The following CSMD1 variants were observed in gnomAD, a reference collection of about 807,000 sequenced individuals.
CSMD1 encodes CUB and sushi domain-containing protein 1.
CSMD1 carries 213 observed loss-of-function variants against 417.5 expected under a neutral mutation model. That is an observed-to-expected ratio of 0.51 (90% CI 0.46 to 0.57). The LOEUF (loss-of-function observed/expected upper bound fraction) is 0.57, where lower values mean the gene tolerates loss of function less well. Among genes scored for constraint, CSMD1 ranks in the 20% least tolerant of loss-of-function variants. The probability of loss-of-function intolerance (pLI) is 0.00; values close to 1 mark genes in which losing one functional copy is unlikely to be tolerated. For missense variants in CSMD1, 6,923 were observed against 4,529.7 expected, an observed-to-expected ratio of 1.53 and a Z score of -15.17; for synonymous variants, 2,862 against 1,736.8, an observed-to-expected ratio of 1.65 and a Z score of -16.11.
chr8:3,595,698 G>T (rs970426634), intron 8 of CSMD1, among the ~76,000 whole-genome samples: 2 of 152,170 alleles, frequency 1.3e-5, no homozygotes, highest in African/African-American at 2.4e-5. Context: ...GTGAATTTTT[G>T]TGTGAGGGAA....
chr8:4,988,748 T>C lies in CSMD1; in HGVS notation c.85+5584A>G, dbSNP rs543167451. ...CCCATAAAGTACAGGTTGATACAAA[T>C]GGTTTAAAGAAAATTGCAACTGAGC... On this transcript the variant is annotated intron_variant, in intron 1 of 69. Coordinates refer to ENST00000635120, the MANE Select transcript of CSMD1 (RefSeq NM_033225.6). 4.6e-5 allele frequency among the ~76,000 whole-genome samples: 7 copies of C among 152,326 alleles called. No individual in the cohort carries two copies. The East Asian group carries it at 9.6e-4, about 21-fold the overall frequency.
At chr8:4,329,220 G>A (rs1324568003) in intron 3 of CSMD1, among the ~76,000 whole-genome samples, 1 of 152,136 alleles carries the variant, frequency 6.6e-6, no homozygotes, top group African/African-American at 2.4e-5. Flanking sequence ...AAATTATTTG[G>A]ACCTTATCAG....
intron 25 of CSMD1, among the ~76,000 whole-genome samples, chr8:3,286,883 C>A (rs553082301): frequency 1.3e-5 from 2 of 152,184 alleles, no homozygotes; most frequent in Admixed American, 1.3e-4. Flanking sequence ...GTGTTTTAGA[C>A]ATGAAGTCCT....
At chr8:4,474,103 C>G (rs1800674463) in intron 2 of CSMD1, among the ~76,000 whole-genome samples, 1 of 152,022 alleles carries the variant, frequency 6.6e-6, no homozygotes, top group Non-Finnish European at 1.5e-5. Flanking sequence ...CGAACATACA[C>G]AAAAAGAAAC....
intron 3 of CSMD1, among the ~76,000 whole-genome samples, chr8:4,033,451 AAAC>A (rs979270678): frequency 4.2e-4 from 64 of 152,286 alleles, no homozygotes; most frequent in African/African-American, 1.2e-3. Context: ...CAAAAAAACA[AAAC>A]AACAACAATA....
chr8:3,245,406 C>G (rs1465611876), intron 26 of CSMD1, among the ~76,000 whole-genome samples: 1 of 152,216 alleles, frequency 6.6e-6, no homozygotes, highest in Non-Finnish European at 1.5e-5. Context: ...TTTTCCCCCT[C>G]TCTTTCTTAG....
intron 10 of CSMD1, among the ~76,000 whole-genome samples, chr8:3,533,517 C>T (rs1332145338): frequency 1.3e-5 from 2 of 152,108 alleles, no homozygotes; most frequent in African/African-American, 2.4e-5. Flanking sequence ...CACTTAGCAT[C>T]ATGTGATTCA....
Position 3,348,113 on chromosome 8 carries a change from G to A in CSMD1, c.3353C>T (p.Pro1118Leu). ...ATTATCATAATTGGATGGAAAATTT[G>A]GAGACAGTAATGTTCCTTCATTTCC... Reference protein sequence around the residue: ...VKGNEGTLLSPNFPSNYDNNH... With the variant: ...VKGNEGTLLSLNFPSNYDNNH... Residue 1118 changes from proline to leucine, a missense_variant, in exon 22 of 70, where the codon CCA becomes CTA. Transcript: ENST00000635120. 1 of 1,612,546 alleles carries A rather than the reference G, an allele frequency of 6.2e-7. No individual in the cohort carries two copies. The highest frequency in any genetic ancestry group is 8.5e-7 in the Non-Finnish European group (1 of 1,179,238).
chr8:4,651,442 G>A (rs1032808833), intron 1 of CSMD1, among the ~76,000 whole-genome samples: 14 of 152,172 alleles, frequency 9.2e-5, no homozygotes, highest in African/African-American at 2.9e-4. Context: ...TTTTTGCACT[G>A]TAGCTTGATT....
chr8:4,200,318 A>C (rs1345736294), intron 3 of CSMD1, among the ~76,000 whole-genome samples: 2 of 152,166 alleles, frequency 1.3e-5, no homozygotes, highest in African/African-American at 4.8e-5. Context: ...AGTGTCACTT[A>C]GATATGGTAT....
intron 26 of CSMD1, among the ~76,000 whole-genome samples, chr8:3,281,425 C>T (rs933919169): frequency 6.6e-6 from 1 of 152,016 alleles, no homozygotes; most frequent in African/African-American, 2.4e-5. Context: ...GCCTGGGCGA[C>T]AAAGCAAGAC....
chr8:4,263,465 C>T (rs564648818), intron 3 of CSMD1, among the ~76,000 whole-genome samples: 3 of 152,152 alleles, frequency 2.0e-5, no homozygotes, highest in African/African-American at 7.2e-5. Context: ...CATAGTTGTT[C>T]CTTCCAAACT....
chr8:3,096,113 G>A (rs1815276426), intron 47 of CSMD1, among the ~76,000 whole-genome samples: 1 of 152,118 alleles, frequency 6.6e-6, no homozygotes, highest in South Asian at 2.1e-4. Context: ...ATAGGAGAGA[G>A]AGAAAGAGTT....
At chr8:4,395,733 A>G (rs1585009497) in intron 3 of CSMD1, among the ~76,000 whole-genome samples, 1 of 151,802 alleles carries the variant, frequency 6.6e-6, no homozygotes. Flanking sequence ...GCAGCTACAA[A>G]TGTTTCTGCT....
chr8:3,346,825 G>A (rs1380297088), intron 22 of CSMD1, among the ~76,000 whole-genome samples: 2 of 152,216 alleles, frequency 1.3e-5, no homozygotes, highest in Non-Finnish European at 2.9e-5. Context: ...ATCATTATGT[G>A]CATCTACGTA....
chr8:3,644,585 G>C (rs1317680671), intron 7 of CSMD1, among the ~76,000 whole-genome samples: 1 of 152,154 alleles, frequency 6.6e-6, no homozygotes, highest in African/African-American at 2.4e-5. Context: ...AAGGATTGCA[G>C]AGCTGTGAAA....
At chr8:4,658,152 G>C (rs1477443642) in intron 1 of CSMD1, among the ~76,000 whole-genome samples, 2 of 151,908 alleles carry the variant, frequency 1.3e-5, no homozygotes, top group Non-Finnish European at 2.9e-5. Context: ...AATCCAAAAG[G>C]GAAGGAGAAA....
intron 1 of CSMD1, among the ~76,000 whole-genome samples, chr8:4,951,578 G>T (rs1236370883): frequency 1.5e-5 from 1 of 68,278 alleles, no homozygotes; most frequent in Admixed American, 1.4e-4. Flanking sequence ...AAAAAGAAAA[G>T]AAGCAAAAAA....
At chr8:3,826,080 G>C (rs907587237) in intron 5 of CSMD1, among the ~76,000 whole-genome samples, 8 of 152,112 alleles carry the variant, frequency 5.3e-5, no homozygotes, top group African/African-American at 1.9e-4. Context: ...TAACACCCAA[G>C]CTATACACAA....
Sources: allele counts gnomAD v4.1 joint callset (sites outside exome capture counted in the v4.1 genomes callset), GRCh38; gene constraint gnomAD v4.1.1; transcripts MANE v1.5; gene names NCBI Gene and HGNC (gene_info 2026-07-23, HGNC 2026-07-21).